The following GPC5 variants were observed in gnomAD, a reference collection of about 807,000 sequenced individuals.
GPC5 encodes glypican 5.
A neutral mutation model predicts 53.9 loss-of-function variants in GPC5; 47 were observed. The observed-to-expected ratio is 0.87, with a 90% CI of 0.69 to 1.11. The LOEUF is 1.11. Ranked by LOEUF, GPC5 falls within the 50% of genes most tolerant of loss-of-function variation. The pLI is 0.00. For synonymous variants in GPC5, 286 were observed against 263.3 expected (o/e 1.09, Z -0.84); for missense variants, 748 against 713.1 (o/e 1.05, Z -0.56).
At chr13:92,627,536 C>T (rs140365672) in intron 7 of GPC5, among the ~76,000 whole-genome samples, 1 of 152,136 alleles carries the variant, frequency 6.6e-6, no homozygotes, top group South Asian at 2.1e-4. Context: ...GCACTAATAT[C>T]TACTGTTGCT....
At chr13:91,571,921 T>TACGTG (rs1426983247) in intron 2 of GPC5, among the ~76,000 whole-genome samples, 6 of 108,762 alleles carry the variant, frequency 5.5e-5, no homozygotes, top group Admixed American at 8.7e-5. Context: ...TATACACATA[T>TACGTG]TGTATATATA....
At chr13:91,999,283 G>A (rs904338571) in intron 6 of GPC5, among the ~76,000 whole-genome samples, 5 of 151,430 alleles carry the variant, frequency 3.3e-5, no homozygotes, top group African/African-American at 1.2e-4. Flanking sequence ...ATCCCATATT[G>A]CCTAATTTCA....
chr13:92,842,166 T>G (rs1360705116), intron 7 of GPC5, among the ~76,000 whole-genome samples: 1 of 152,132 alleles, frequency 6.6e-6, no homozygotes, highest in Non-Finnish European at 1.5e-5. Flanking sequence ...TATCCCTCAA[T>G]GTATGTGATA....
intron 5 of GPC5, among the ~76,000 whole-genome samples, chr13:91,807,745 G>A (rs868383889): frequency 3.3e-5 from 5 of 152,106 alleles, no homozygotes; most frequent in African/African-American, 9.7e-5. Flanking sequence ...ATAGACATGG[G>A]TGTAAATGCA....
At chr13:92,027,741 C>G (rs991603990) in intron 6 of GPC5, among the ~76,000 whole-genome samples, 1 of 152,070 alleles carries the variant, frequency 6.6e-6, no homozygotes, top group Admixed American at 6.6e-5. Context: ...GTAAACTTAC[C>G]CATTCACTTA....
At chr13:92,075,112 T>C (rs2041242446) in intron 6 of GPC5, among the ~76,000 whole-genome samples, 1 of 152,210 alleles carries the variant, frequency 6.6e-6, no homozygotes, top group Non-Finnish European at 1.5e-5. Flanking sequence ...AAGATTCCTT[T>C]ACCCAATGCC....
At position 92,292,474 on chromosome 13, in the gene GPC5, C is replaced by T. The variant is rs7999868; in HGVS notation, c.1561+147485C>T. Among the ~76,000 whole-genome samples, 173 of 152,224 alleles carry T rather than the reference C, an allele frequency of 1.1e-3. 1 individual carries two copies. Among genetic ancestry groups the T allele is most frequent in the African/African-American group, 3.9e-3 (163 of 41,540 alleles). On this transcript the variant is annotated intron_variant, in intron 7 of 7. Coordinates refer to ENST00000377067, the MANE Select transcript of GPC5 (RefSeq NM_004466.6). ...TTACATTTGTTGGCCATTTGTGTAT[C>T]ATCTTTTGAGAATTGTCTATTCATG...
At chr13:92,396,499 G>GTT (rs35106111) in intron 7 of GPC5, among the ~76,000 whole-genome samples, 10 of 136,898 alleles carry the variant, frequency 7.3e-5, no homozygotes, top group African/African-American at 1.3e-4. Context: ...TGTTTTTTGT[G>GTT]TTTTTTTTTT....
At chr13:92,602,618 C>T (rs1300109440) in intron 7 of GPC5, among the ~76,000 whole-genome samples, 1 of 152,092 alleles carries the variant, frequency 6.6e-6, no homozygotes, top group Non-Finnish European at 1.5e-5. Context: ...CAGACTCTTT[C>T]TGAGAACAGT....
chr13:92,783,088 T>C (rs2138764365), intron 7 of GPC5, among the ~76,000 whole-genome samples: 1 of 152,348 alleles, frequency 6.6e-6, no homozygotes, highest in East Asian at 1.9e-4. Flanking sequence ...CTATTGTTTA[T>C]ACAATCTCAA....
chr13:92,129,517 T>C (rs1374751456), intron 6 of GPC5, among the ~76,000 whole-genome samples: 4 of 152,174 alleles, frequency 2.6e-5, no homozygotes, highest in Non-Finnish European at 2.9e-5. Context: ...AAAACACATG[T>C]GCACAATAAG....
chr13:92,612,964 C>T (rs984465550), intron 7 of GPC5, among the ~76,000 whole-genome samples: 2 of 151,716 alleles, frequency 1.3e-5, no homozygotes, highest in African/African-American at 4.8e-5. Flanking sequence ...CCTTATAACA[C>T]TCCTAGTAGG....
At chr13:91,571,828 T>TAC (rs768975728) in intron 2 of GPC5, among the ~76,000 whole-genome samples, 1,993 of 64,480 alleles carry the variant, frequency 0.031, 248 homozygotes, top group East Asian at 0.16. Context: ...TGTGTATATA[T>TAC]ACACATATAC....
intron 7 of GPC5, among the ~76,000 whole-genome samples, chr13:92,221,767 A>C (rs893546476): frequency 1.3e-5 from 2 of 152,120 alleles, no homozygotes; most frequent in African/African-American, 4.8e-5. Flanking sequence ...ATTGTAAAGA[A>C]TCACTAGAAT....
At chr13:92,504,436 C>A (rs550040010) in intron 7 of GPC5, among the ~76,000 whole-genome samples, 1 of 151,866 alleles carries the variant, frequency 6.6e-6, no homozygotes. Context: ...AGATTTAATG[C>A]AAGTCCAATC....
chr13:92,193,908 T>C (rs754004473), intron 7 of GPC5, among the ~76,000 whole-genome samples: 1 of 152,260 alleles, frequency 6.6e-6, no homozygotes, highest in Non-Finnish European at 1.5e-5. Context: ...TTTTTACTTA[T>C]TTATTTCTTC....
At chr13:91,775,534 T>A (rs1286853976) in intron 5 of GPC5, among the ~76,000 whole-genome samples, 4 of 152,230 alleles carry the variant, frequency 2.6e-5, no homozygotes, top group African/African-American at 7.2e-5. Context: ...ATTTCTCTTT[T>A]TTCCACTTTC....
chr13:91,825,105 C>CAGAG (rs937373917), intron 5 of GPC5, among the ~76,000 whole-genome samples: 3 of 145,076 alleles, frequency 2.1e-5, no homozygotes, highest in African/African-American at 5.1e-5. Context: ...ATTTGTTTTC[C>CAGAG]AGAGAGAGAG....
chr13:91,982,632 T>A (rs2040369493), intron 6 of GPC5, among the ~76,000 whole-genome samples: 1 of 151,690 alleles, frequency 6.6e-6, no homozygotes, highest in South Asian at 2.1e-4. Context: ...GGGAAGGAAG[T>A]CAAAGGAGAA....
Sources: gnomAD v4.1 joint callset for allele counts (sites outside exome capture counted in the v4.1 genomes callset) on GRCh38, gnomAD v4.1.1 for gene constraint, MANE v1.5 for transcripts, NCBI Gene and HGNC (gene_info 2026-07-23, HGNC 2026-07-21) for gene names.